Variants in PAPPA2 observed in about 807,000 individuals in gnomAD.
PAPPA2 encodes the protein pappalysin 2, also known as pappalysin-2.
In PAPPA2, 86 loss-of-function variants were observed where a neutral mutation model predicts 176.4. The observed-to-expected ratio is 0.49, with a 90% CI of 0.41 to 0.58. The LOEUF (loss-of-function observed/expected upper bound fraction) is 0.58. Among genes scored for constraint, PAPPA2 ranks in the 20% least tolerant of loss-of-function variants. The pLI is 0.00. For missense variants in PAPPA2, 2,073 were observed against 2,256.9 expected (o/e 0.92, Z 1.65); for synonymous variants, 809 against 852.2 (o/e 0.95, Z 0.88).
chr1:176,531,031 A>G (rs891277502), intron 1 of PAPPA2, among the ~76,000 whole-genome samples: 5 of 152,246 alleles, frequency 3.3e-5, no homozygotes, highest in Non-Finnish European at 5.9e-5. Context: ...TTCATAAAAG[A>G]CAACCAAAGT....
intron 16 of PAPPA2, 36 bp from the exon 17 acceptor site, chr1:176,770,924 CTCTCTGT>C (rs1167305738): frequency 6.4e-7 from 1 of 1,564,434 alleles, no homozygotes; most frequent in South Asian, 1.1e-5. Context: ...TCTTTCTGGG[CTCTCTGT>C]TCTGAGCATC....
At chr1:176,697,574 CAACT>C (rs1447976964) in intron 7 of PAPPA2, among the ~76,000 whole-genome samples, 4 of 152,062 alleles carry the variant, frequency 2.6e-5, no homozygotes, top group African/African-American at 9.7e-5. Flanking sequence ...GCTTAACCAC[CAACT>C]ATTTTCTAAA....
At position 176,699,504 on chromosome 1, in the gene PAPPA2, G is replaced by A. The variant is rs1445580808; in HGVS notation, c.3151G>A (p.Val1051Met). 21 of 1,614,004 alleles carry A rather than the reference G, an allele frequency of 1.3e-5. No homozygotes were observed. Among genetic ancestry groups the A allele is most frequent in the Non-Finnish European group, 1.8e-5 (21 of 1,180,012 alleles). The change falls in exon 8 of 23, where the codon GTG becomes ATG. Residue 1051 changes from valine to methionine, a missense_variant. Val to Met is a conservative substitution (Grantham distance 21). Transcript: ENST00000367662. The part of the protein sequence containing the change: ...HSPLCSGCRP[V>M]RYQVLRDPPF... ...TCCCTTGTGCTCTGGCTGCAGGCCT[G>A]TGAGGTACCAGGTTCTCCGCGATCC...
intron 3 of PAPPA2, among the ~76,000 whole-genome samples, chr1:176,668,503 C>T (rs1217316994): frequency 6.6e-6 from 1 of 152,122 alleles, no homozygotes; most frequent in South Asian, 2.1e-4. Flanking sequence ...AAATAATATC[C>T]ATTTTTTTTC....
At chr1:176,734,393 AACACACAC>A (rs34765229) in intron 12 of PAPPA2, among the ~76,000 whole-genome samples, 31 of 147,442 alleles carry the variant, frequency 2.1e-4, no homozygotes, top group Admixed American at 6.8e-4. Flanking sequence ...ACCCTTCTGA[AACACACAC>A]ACACACACAC....
At chr1:176,769,844 G>T (rs1664145096) in intron 16 of PAPPA2, 60 bp downstream of exon 16, 7 of 1,491,144 alleles carry the variant, frequency 4.7e-6, no homozygotes, top group Non-Finnish European at 6.3e-6. Context: ...GCTCTTGAGG[G>T]TACTTTGGGA....
intron 10 of PAPPA2, among the ~76,000 whole-genome samples, chr1:176,707,957 G>A (rs1299417142): frequency 1.3e-5 from 2 of 152,118 alleles, no homozygotes; most frequent in African/African-American, 4.8e-5. Flanking sequence ...GTGCCCAGAA[G>A]GGAATCCAAT....
chr1:176,608,285 T>C (rs1319913155), intron 3 of PAPPA2, among the ~76,000 whole-genome samples: 1 of 152,240 alleles, frequency 6.6e-6, no homozygotes, highest in Non-Finnish European at 1.5e-5. Flanking sequence ...TCATGGGTGC[T>C]TTATGATTTT....
At chr1:176,674,249 G>C (rs1021167153) in intron 4 of PAPPA2, among the ~76,000 whole-genome samples, 2 of 152,012 alleles carry the variant, frequency 1.3e-5, no homozygotes, top group Non-Finnish European at 2.9e-5. Flanking sequence ...CTAAAATCCA[G>C]CCTGAAACAC....
At chr1:176,839,800 C>T (rs1403683815) in intron 21 of PAPPA2, among the ~76,000 whole-genome samples, 1 of 152,142 alleles carries the variant, frequency 6.6e-6, no homozygotes, top group East Asian at 1.9e-4. Flanking sequence ...GCCAATCCTG[C>T]CTACTGCACA....
chr1:176,680,036 A>T (rs540042272), intron 4 of PAPPA2, among the ~76,000 whole-genome samples: 2 of 152,194 alleles, frequency 1.3e-5, no homozygotes, highest in Non-Finnish European at 2.9e-5. Flanking sequence ...CTGAGAAAAG[A>T]AGGAAGTATA....
intron 22 of PAPPA2, 107 bp from the exon 23 acceptor site, chr1:176,842,273 A>G: frequency 2.0e-6 from 2 of 1,002,550 alleles, no homozygotes; most frequent in South Asian, 1.5e-5. Context: ...ATATTGGCAC[A>G]TAATTCTACA....
chr1:176,546,828 T>G (rs528397358), intron 1 of PAPPA2, among the ~76,000 whole-genome samples: 1 of 152,234 alleles, frequency 6.6e-6, no homozygotes, highest in East Asian at 1.9e-4. Flanking sequence ...TAATTACTTT[T>G]GGAAAAATGC....
At chr1:176,778,588 T>C (rs752629043) in intron 17 of PAPPA2, among the ~76,000 whole-genome samples, 3 of 152,204 alleles carry the variant, frequency 2.0e-5, no homozygotes, top group Non-Finnish European at 4.4e-5. Context: ...TATCCTGGAT[T>C]CATAGCTTTT....
intron 3 of PAPPA2, among the ~76,000 whole-genome samples, chr1:176,600,769 C>T (rs1035983126): frequency 8.6e-5 from 13 of 151,718 alleles, no homozygotes; most frequent in Admixed American, 7.9e-4. Context: ...AAATGCTTTG[C>T]GAGTCATCTA....
intron 21 of PAPPA2, among the ~76,000 whole-genome samples, chr1:176,805,061 C>A (rs1665841701): frequency 6.8e-6 from 1 of 146,948 alleles, no homozygotes. Context: ...CTTCTTCCTT[C>A]CCTTCCTTCC....
chr1:176,660,066 G>T (rs1268800111), intron 3 of PAPPA2, among the ~76,000 whole-genome samples: 1 of 152,084 alleles, frequency 6.6e-6, no homozygotes, highest in East Asian at 1.9e-4. Context: ...ACATGGCATG[G>T]TTGCCAGATT....
At chr1:176,816,196 A>G (rs1455644271) in intron 21 of PAPPA2, among the ~76,000 whole-genome samples, 7 of 97,656 alleles carry the variant, frequency 7.2e-5, no homozygotes, top group East Asian at 6.3e-4. Context: ...ATATATATAT[A>G]TGTACACATA....
In PAPPA2 at chr1:176,793,545, C is replaced by T; in HGVS notation, c.5021-15C>T. 6.3e-7 allele frequency: 1 copy of T among 1,586,012 alleles called. No homozygotes were observed. Among genetic ancestry groups the T allele is most frequent in the Non-Finnish European group, 8.7e-7 (1 of 1,156,046 alleles). ...GGGAAGTTCAAGTCTCTGCTGTAAA[C>T]TTCTGTTCTTTCAGGTGCAGTGTGT... On this transcript the variant is annotated splice_polypyrimidine_tract_variant and intron_variant, in intron 19 of 22. Transcript: ENST00000367662.
Sources: gnomAD v4.1 joint callset for allele counts (sites outside exome capture counted in the v4.1 genomes callset) on GRCh38, gnomAD v4.1.1 for gene constraint, MANE v1.5 for transcripts, NCBI Gene and HGNC (gene_info 2026-07-23, HGNC 2026-07-21) for gene names.